Variants in SDK1 observed in about 807,000 individuals in gnomAD.
SDK1 encodes the protein sidekick cell adhesion molecule 1.
SDK1 carries 157 observed loss-of-function variants against 245.5 expected under a neutral mutation model. The ratio of observed to expected loss-of-function variants is 0.64; its 90% CI spans 0.56 to 0.73. SDK1 has a LOEUF of 0.73. Ranked by LOEUF, SDK1 falls within the 30% of genes least tolerant of loss-of-function variation. SDK1 has a pLI of 0.00. For missense variants in SDK1, 3,583 were observed against 3,002.3 expected, an observed-to-expected ratio of 1.19 and a Z score of -4.52; for synonymous variants, 1,647 against 1,278.5, an observed-to-expected ratio of 1.29 and a Z score of -6.15.
At chr7:3,539,519 C>A (rs1258686474) in intron 1 of SDK1, among the ~76,000 whole-genome samples, 1 of 152,174 alleles carries the variant, frequency 6.6e-6, no homozygotes, top group Non-Finnish European at 1.5e-5. Flanking sequence ...CCTTGAAAGT[C>A]CACTATCAGA....
intron 25 of SDK1, 104 bp from the exon 26 acceptor site, chr7:4,127,277 C>G: frequency 2.4e-6 from 2 of 817,678 alleles, no homozygotes; most frequent in South Asian, 1.5e-5. Flanking sequence ...GCTTAGAATA[C>G]GTTGCTATTT....
At chr7:3,666,734 C>T (rs527933563) in intron 4 of SDK1, among the ~76,000 whole-genome samples, 2 of 152,212 alleles carry the variant, frequency 1.3e-5, no homozygotes, top group South Asian at 2.1e-4. Context: ...AATTACCTGT[C>T]AAAGTACATT....
At chr7:3,919,084 CTATTAT>C (rs1779493331) in intron 5 of SDK1, among the ~76,000 whole-genome samples, 1 of 152,174 alleles carries the variant, frequency 6.6e-6, no homozygotes, top group South Asian at 2.1e-4. Context: ...AATATAATTA[CTATTAT>C]TAACTATATT....
rs554493096 is a variant in SDK1, at chr7:3,317,313, G to A, written c.298+15429G>A. 4.0e-5 allele frequency among the ~76,000 whole-genome samples: 6 copies of A among 151,860 alleles called. No homozygotes were observed. In the South Asian group the frequency reaches 1.2e-3, roughly 32 times the overall value. ...AGTAAGGTTTTTAAGGCAAGCAAAG[G>A]AACATGTATTGATTTCTGAGTATAT... On this transcript the variant is annotated intron_variant, in intron 1 of 44. Transcript: ENST00000404826.
intron 4 of SDK1, among the ~76,000 whole-genome samples, chr7:3,690,185 G>A (rs1211474693): frequency 2.6e-5 from 4 of 152,098 alleles, no homozygotes; most frequent in South Asian, 2.1e-4. Context: ...GATGCAGGGC[G>A]TCACCTACCT....
At chr7:3,712,287 C>T (rs769691790) in intron 4 of SDK1, among the ~76,000 whole-genome samples, 73 of 152,218 alleles carry the variant, frequency 4.8e-4, no homozygotes, top group African/African-American at 1.7e-3. Flanking sequence ...GTGAACTGTG[C>T]GTGTGAGGGT....
At chr7:3,594,761 G>C (rs183544762) in intron 1 of SDK1, among the ~76,000 whole-genome samples, 44 of 152,206 alleles carry the variant, frequency 2.9e-4, no homozygotes, top group Non-Finnish European at 1.3e-4. Flanking sequence ...AAGAAAAATT[G>C]CTTACTGTTT....
intron 1 of SDK1, among the ~76,000 whole-genome samples, chr7:3,564,488 A>T (rs1211657447): frequency 1.3e-5 from 2 of 152,114 alleles, no homozygotes; most frequent in African/African-American, 4.8e-5. Flanking sequence ...GACTCTCAAA[A>T]AAAAATTTAT....
chr7:3,498,849 T>C (rs891844817), intron 1 of SDK1, among the ~76,000 whole-genome samples: 2 of 152,168 alleles, frequency 1.3e-5, no homozygotes, highest in African/African-American at 2.4e-5. Context: ...AAGTCTCTTT[T>C]TTGGGCTCAT....
intron 1 of SDK1, among the ~76,000 whole-genome samples, chr7:3,488,194 C>T (rs181947153): frequency 5.6e-4 from 85 of 152,138 alleles, no homozygotes; most frequent in Non-Finnish European, 1.0e-3. Flanking sequence ...TTCTGCCTCC[C>T]GTTCCCTCTG....
intron 1 of SDK1, among the ~76,000 whole-genome samples, chr7:3,469,812 G>T (rs1281755113): frequency 2.0e-5 from 3 of 152,128 alleles, no homozygotes; most frequent in Non-Finnish European, 4.4e-5. Context: ...AATCTGTCAG[G>T]CATTTTCCCA....
chr7:3,680,180 C>G (rs1784057031), intron 4 of SDK1, among the ~76,000 whole-genome samples: 1 of 152,146 alleles, frequency 6.6e-6, no homozygotes, highest in Non-Finnish European at 1.5e-5. Flanking sequence ...GGGAAAAACC[C>G]AATCTCCAAT....
intron 19 of SDK1, among the ~76,000 whole-genome samples, chr7:4,055,504 T>C (rs1335071518): frequency 6.6e-6 from 1 of 152,126 alleles, no homozygotes; most frequent in Non-Finnish European, 1.5e-5. Context: ...GGTTCTTCAA[T>C]TTTATTGCTT....
intron 29 of SDK1, among the ~76,000 whole-genome samples, chr7:4,148,873 T>C (rs958235799): frequency 2.6e-5 from 4 of 152,270 alleles, no homozygotes; most frequent in East Asian, 1.9e-4. Context: ...CTGGCCAACA[T>C]GGTGAAACCC....
intron 4 of SDK1, among the ~76,000 whole-genome samples, chr7:3,698,400 G>C (rs979076109): frequency 6.6e-6 from 1 of 152,100 alleles, no homozygotes; most frequent in Non-Finnish European, 1.5e-5. Flanking sequence ...CACCTTACCT[G>C]GTGCTGTCAG....
At chr7:3,369,234 CG>C in intron 1 of SDK1, among the ~76,000 whole-genome samples, 1 of 151,948 alleles carries the variant, frequency 6.6e-6, no homozygotes, top group Admixed American at 6.6e-5. Context: ...TTAGTAGAGA[CG>C]GGGTTTCACC....
intron 1 of SDK1, among the ~76,000 whole-genome samples, chr7:3,510,765 A>T (rs955691821): frequency 6.6e-6 from 1 of 151,986 alleles, no homozygotes; most frequent in African/African-American, 2.4e-5. Context: ...AAGGCTGCAG[A>T]CTCTCAGTCT....
At chr7:3,655,448 AATATATATATATATAT>A (rs1194322286) in intron 4 of SDK1, among the ~76,000 whole-genome samples, 685 of 66,286 alleles carry the variant, frequency 0.01, 14 homozygotes, top group African/African-American at 0.012. Flanking sequence ...AAACAAAACA[AATATATATATATATAT>A]ATATATATAT....
At chr7:3,754,858 T>A (rs554573964) in intron 4 of SDK1, among the ~76,000 whole-genome samples, 5 of 152,202 alleles carry the variant, frequency 3.3e-5, no homozygotes, top group Non-Finnish European at 7.3e-5. Context: ...TTTTGGTGGT[T>A]TTGAAAGGGA....
Sources: gnomAD v4.1 joint callset for allele counts (sites outside exome capture counted in the v4.1 genomes callset) on GRCh38, gnomAD v4.1.1 for gene constraint, MANE v1.5 for transcripts, NCBI Gene and HGNC (gene_info 2026-07-23, HGNC 2026-07-21) for gene names.